The following LRRC4C variants were observed in gnomAD, a reference collection of about 807,000 sequenced individuals.
The protein encoded by LRRC4C is leucine-rich repeat-containing protein 4C.
A neutral mutation model predicts 33.6 loss-of-function variants in LRRC4C; 5 were observed. The observed-to-expected ratio is 0.15, with a 90% CI of 0.08 to 0.31. LRRC4C has a LOEUF of 0.31. LRRC4C is among the 10% of genes least tolerant of loss of function. LRRC4C has a pLI of 1.00. For synonymous variants in LRRC4C, 329 were observed against 302.0 expected, an observed-to-expected ratio of 1.09 and a Z score of -0.93; for missense variants, 560 against 796.7, an observed-to-expected ratio of 0.70 and a Z score of 3.58.
rs187568854 is a variant in LRRC4C, at chr11:41,027,108, C to T, written c.-495-93385G>A. On this transcript the variant is annotated intron_variant, in intron 1 of 6. Transcript: ENST00000528697. ...ATAATAATGTAGCAAGTGCCTAATT[C>T]GACATAACCTAGATCACAGGGGATA... 3.3e-5 allele frequency among the ~76,000 whole-genome samples: 5 copies of T among 151,596 alleles called. No homozygotes were observed. In the East Asian group the frequency reaches 7.8e-4, roughly 24 times the overall value.
At chr11:40,234,731 A>C (rs1865440363) in intron 5 of LRRC4C, among the ~76,000 whole-genome samples, 1 of 152,214 alleles carries the variant, frequency 6.6e-6, no homozygotes, top group South Asian at 2.1e-4. Context: ...TGACTGTGCC[A>C]CTGCACTCCA....
At chr11:40,847,847 G>T (rs1953268181) in intron 2 of LRRC4C, among the ~76,000 whole-genome samples, 1 of 137,336 alleles carries the variant, frequency 7.3e-6, no homozygotes, top group African/African-American at 2.7e-5. Context: ...ACTTGTTATT[G>T]GTCTATTCAG....
At chr11:40,263,938 A>G (rs1942054455) in intron 4 of LRRC4C, among the ~76,000 whole-genome samples, 1 of 152,204 alleles carries the variant, frequency 6.6e-6, no homozygotes, top group African/African-American at 2.4e-5. Context: ...AGGATTTTAC[A>G]TAGAAGTTTA....
chr11:40,129,619 G>A (rs1457461331), intron 6 of LRRC4C, among the ~76,000 whole-genome samples: 1 of 152,160 alleles, frequency 6.6e-6, no homozygotes, highest in African/African-American at 2.4e-5. Context: ...CATTGGATCA[G>A]AACACTTTAT....
rs116833057 is a variant in LRRC4C, at chr11:40,540,191, G to A, written c.-270+107951C>T. Among the ~76,000 whole-genome samples, 1,073 of 152,264 alleles carry A rather than the reference G, an allele frequency of 7.0e-3. 10 individuals carry two copies. The highest frequency in any genetic ancestry group is 0.025 in the African/African-American group (1,032 of 41,564). ...ACACCACAATAAATAGAAAGGACAA[G>A]AATTGAAAGTCTTTTTCCCTCTTAG... is the stretch of plus-strand genomic sequence containing the variant. On this transcript the variant is annotated intron_variant, in intron 3 of 6. Coordinates refer to ENST00000528697, the MANE Select transcript of LRRC4C (RefSeq NM_001258419.2).
In LRRC4C at chr11:40,375,695, C is replaced by T. The variant is rs186992419; in HGVS notation, c.-269-55974G>A. Among the ~76,000 whole-genome samples, 24 of 152,258 alleles carry T rather than the reference C, an allele frequency of 1.6e-4. 1 individual carries two copies. The East Asian group carries it at 4.6e-3, about 29-fold the overall frequency. On this transcript the variant is annotated intron_variant, in intron 3 of 6. Coordinates refer to ENST00000528697, the MANE Select transcript of LRRC4C (RefSeq NM_001258419.2). ...AAAGTTTCTCGAATAATTTTTATCT[C>T]TCACTTGCATGAAAATACATATAGA...
At chr11:40,790,857 C>A (rs1172715326) in intron 2 of LRRC4C, among the ~76,000 whole-genome samples, 1 of 152,164 alleles carries the variant, frequency 6.6e-6, no homozygotes, top group Non-Finnish European at 1.5e-5. Context: ...CATAATGGAT[C>A]TTAAAAATAT....
At position 40,575,773 on chromosome 11, in the gene LRRC4C, G is replaced by A. The variant is rs191113503; in HGVS notation, c.-270+72369C>T. On this transcript the variant is annotated intron_variant, in intron 3 of 6. Transcript: ENST00000528697. ...CAATGGCAAACAACAATAATCATGA[G>A]AATGACATATTTAAATAGGAATATA... Among the ~76,000 whole-genome samples, 647 of 152,196 alleles carry A rather than the reference G, an allele frequency of 4.3e-3. 1 individual carries two copies. The highest frequency in any genetic ancestry group is 0.015 in the African/African-American group (625 of 41,530).
At chr11:40,576,054 G>A (rs568881351) in intron 3 of LRRC4C, among the ~76,000 whole-genome samples, 19 of 152,104 alleles carry the variant, frequency 1.2e-4, no homozygotes, top group African/African-American at 4.3e-4. Flanking sequence ...TTATTTTCCT[G>A]CTTCAGAGCA....
chr11:41,388,104 C>T (rs1953433475), intron 1 of LRRC4C, among the ~76,000 whole-genome samples: 1 of 151,706 alleles, frequency 6.6e-6, no homozygotes, highest in African/African-American at 2.4e-5. Flanking sequence ...ACATTATACA[C>T]TGCTTTAAGA....
rs11517962 is a variant in LRRC4C, at chr11:40,769,284, A to G, written c.-406-121006T>C. ...ATAAACTGATGCAAAGAAATGAAAA[A>G]TCTGTACAATGGAAACTATAAAACA... On this transcript the variant is annotated intron_variant, in intron 2 of 6. Coordinates refer to ENST00000528697, the MANE Select transcript of LRRC4C (RefSeq NM_001258419.2). Among the ~76,000 whole-genome samples, 303 of 152,218 alleles carry G rather than the reference A, an allele frequency of 2.0e-3. 2 individuals are homozygous for G. Among genetic ancestry groups the G allele is most frequent in the Non-Finnish European group, 3.2e-3 (215 of 67,974 alleles).
chr11:41,303,377 G>C (rs1378961722), intron 1 of LRRC4C, among the ~76,000 whole-genome samples: 3 of 122,130 alleles, frequency 2.5e-5, no homozygotes, highest in South Asian at 3.0e-4. Flanking sequence ...ACGGAGTCTC[G>C]TTCACTCAGT....
chr11:40,681,402 G>T (rs2136331237), intron 2 of LRRC4C, among the ~76,000 whole-genome samples: 1 of 152,248 alleles, frequency 6.6e-6, no homozygotes, highest in Admixed American at 6.5e-5. Context: ...GTTTTCATTT[G>T]TTGTACTCCA....
chr11:41,039,706 C>A (rs1389625315), intron 1 of LRRC4C, among the ~76,000 whole-genome samples: 1 of 152,080 alleles, frequency 6.6e-6, no homozygotes, highest in Admixed American at 6.5e-5. Context: ...TCCTACCTGC[C>A]AAAAATTGGC....
chr11:41,067,102 A>G (rs1028576949), intron 1 of LRRC4C, among the ~76,000 whole-genome samples: 1 of 152,198 alleles, frequency 6.6e-6, no homozygotes, highest in Non-Finnish European at 1.5e-5. Context: ...TAACGGCCCA[A>G]TTAAAAGACA....
chr11:40,195,529 G>GC (rs973523682), intron 5 of LRRC4C, among the ~76,000 whole-genome samples: 1 of 152,074 alleles, frequency 6.6e-6, no homozygotes, highest in African/African-American at 2.4e-5. Flanking sequence ...GTCAGAGTGT[G>GC]CCCTGAAGGG....
At chr11:40,756,797 A>T (rs1176277253) in intron 2 of LRRC4C, among the ~76,000 whole-genome samples, 3 of 152,234 alleles carry the variant, frequency 2.0e-5, no homozygotes, top group Middle Eastern at 3.4e-3. Flanking sequence ...ACATGACTTT[A>T]TTCTAACTAT....
chr11:41,370,207 G>A (rs1591369661), intron 1 of LRRC4C, among the ~76,000 whole-genome samples: 1 of 151,912 alleles, frequency 6.6e-6, no homozygotes, highest in African/African-American at 2.4e-5. Context: ...TTGGGATAGG[G>A]TCTCACTCTA....
chr11:41,367,859 T>C (rs1952602135), intron 1 of LRRC4C, among the ~76,000 whole-genome samples: 1 of 150,878 alleles, frequency 6.6e-6, no homozygotes, highest in African/African-American at 2.5e-5. Flanking sequence ...TTTGCCTTAA[T>C]GATTCATAAT....
Sources: allele counts gnomAD v4.1 joint callset (sites outside exome capture counted in the v4.1 genomes callset), GRCh38; gene constraint gnomAD v4.1.1; transcripts MANE v1.5; gene names NCBI Gene and HGNC (gene_info 2026-07-23, HGNC 2026-07-21).